The following SRPK1 variants were observed in gnomAD, a reference collection of about 807,000 sequenced individuals.
The protein encoded by SRPK1 is SRSF protein kinase 1.
SRPK1 carries 52 observed loss-of-function variants against 89.5 expected under a neutral mutation model. The ratio of observed to expected loss-of-function variants is 0.58; its 90% CI spans 0.46 to 0.73. SRPK1 has a LOEUF of 0.73. SRPK1 is among the 30% of genes least tolerant of loss of function. The pLI is 0.00. For synonymous variants in SRPK1, 255 were observed against 270.2 expected, an observed-to-expected ratio of 0.94 and a Z score of 0.55; for missense variants, 603 against 780.6, an observed-to-expected ratio of 0.77 and a Z score of 2.71.
In SRPK1 at chr6:35,904,518, G is replaced by A. The variant is rs369706920; in HGVS notation, c.75-13505C>T. Among the ~76,000 whole-genome samples the A allele has an allele frequency of 1.2e-4, 18 of 152,260 alleles. No homozygotes were observed. The East Asian group carries it at 2.9e-3, about 25-fold the overall frequency. On this transcript the variant is annotated intron_variant, in intron 2 of 15. Transcript: ENST00000373825. ...TACAATGGTTTTTAAATAAAGTCGTGGGCTGGGTGCAGTGGCTCACGCCTG... is the reference window on the plus strand; with the variant it reads ...TACAATGGTTTTTAAATAAAGTCGTAGGCTGGGTGCAGTGGCTCACGCCTG...
rs558238653 is a variant in SRPK1 at position 35,867,296 on chromosome 6, G to A, written c.1512+1714C>T. ...AGGGTGACCTGGACCAGATGATAGC[G>A]TAGTGGAGTAATTCTAATTACTTGG... On this transcript the variant is annotated intron_variant, in intron 12 of 15. Coordinates refer to ENST00000373825, the MANE Select transcript of SRPK1 (RefSeq NM_003137.5). Among the ~76,000 whole-genome samples the A allele has an allele frequency of 6.6e-4, 101 of 152,296 alleles. 2 individuals carry two copies. Among genetic ancestry groups the A allele is most frequent in the Middle Eastern group, 6.8e-3 (2 of 294 alleles).
chr6:35,869,809 CTTCA>C lies in SRPK1; in HGVS notation c.1080_1083del (p.Ile360MetfsTer14), dbSNP rs1769991290. ...TTACTGTTCTGAGTATAATTAATGACTTCAATCACTCCATTGCAATTAATTTCTG... is the reference window on the plus strand; with the variant it reads ...TTACTGTTCTGAGTATAATTAATGACATCACTCCATTGCAATTAATTTCTG... On this transcript the variant is annotated frameshift_variant, in exon 11 of 16. Coordinates refer to ENST00000373825, the MANE Select transcript of SRPK1 (RefSeq NM_003137.5). LOFTEE classifies it high-confidence loss of function. 6.2e-7 allele frequency: 1 copy of C among 1,613,462 alleles called. No homozygotes were observed. Among genetic ancestry groups the C allele is most frequent in the African/African-American group, 1.3e-5 (1 of 74,914 alleles).
At position 35,869,394 on chromosome 6, in the gene SRPK1, T is replaced by A; in HGVS notation, c.1411+88A>T. ...AGACACACCTGTTGTAAAGCTATAGTTACAAAAACAATCATACTTTTAGTC... is the reference window on the plus strand; with the variant it reads ...AGACACACCTGTTGTAAAGCTATAGATACAAAAACAATCATACTTTTAGTC... On this transcript the variant is annotated intron_variant, in intron 11 of 15. Coordinates refer to ENST00000373825, the MANE Select transcript of SRPK1 (RefSeq NM_003137.5). 5 of 1,469,524 alleles carry A rather than the reference T, an allele frequency of 3.4e-6. No homozygotes were observed. In the South Asian group the frequency reaches 6.4e-5, roughly 19 times the overall value. The allele number at this position is 1,469,524 out of a possible 1,614,324, so 91.0% of individuals were successfully genotyped here.
At chr6:35,869,402 A>G in intron 11 of SRPK1, 80 bp downstream of exon 11, 1 of 1,495,578 alleles carries the variant, frequency 6.7e-7, no homozygotes, top group South Asian at 1.3e-5. Flanking sequence ...AGTTACAAAA[A>G]CAATCATACT....
At chr6:35,860,529 T>G (rs1184543886) in intron 12 of SRPK1, among the ~76,000 whole-genome samples, 1 of 152,226 alleles carries the variant, frequency 6.6e-6, no homozygotes, top group Non-Finnish European at 1.5e-5. Context: ...AAGCATTTGA[T>G]GTTTGTACGG....
At chr6:35,868,274 G>A (rs149097263) in intron 12 of SRPK1, among the ~76,000 whole-genome samples, 155 of 152,234 alleles carry the variant, frequency 1.0e-3, no homozygotes, top group African/African-American at 3.6e-3. Flanking sequence ...ATGAGCCACC[G>A]TGCCTGGCTA....
intron 2 of SRPK1, among the ~76,000 whole-genome samples, chr6:35,903,169 T>C (rs551418241): frequency 1.2e-4 from 18 of 150,296 alleles, no homozygotes; most frequent in African/African-American, 3.9e-4. Flanking sequence ...GCCTACAAGG[T>C]ACATTGATAA....
intron 13 of SRPK1, among the ~76,000 whole-genome samples, chr6:35,846,013 T>G (rs1376798953): frequency 1.3e-5 from 2 of 152,198 alleles, no homozygotes; most frequent in Non-Finnish European, 2.9e-5. Context: ...AGAGCAGGGC[T>G]GGAGGCTGGA....
At chr6:35,850,380 G>A (rs1409948261) in intron 13 of SRPK1, among the ~76,000 whole-genome samples, 2 of 152,046 alleles carry the variant, frequency 1.3e-5, no homozygotes, top group Non-Finnish European at 2.9e-5. Flanking sequence ...CAACAGCAGG[G>A]GAATGAAGCA....
chr6:35,861,832 G>A (rs2127238637), intron 12 of SRPK1, among the ~76,000 whole-genome samples: 1 of 152,204 alleles, frequency 6.6e-6, no homozygotes, highest in South Asian at 2.1e-4. Context: ...ACAGTTTCTT[G>A]CCCATGCTGT....
chr6:35,851,179 ATT>A (rs11368828), intron 13 of SRPK1, among the ~76,000 whole-genome samples: 3 of 148,644 alleles, frequency 2.0e-5, no homozygotes, highest in Admixed American at 6.7e-5. Flanking sequence ...TTGGTATTGG[ATT>A]TTTTTTTTCT....
At chr6:35,886,977 T>C (rs1327532038) in intron 5 of SRPK1, among the ~76,000 whole-genome samples, 166 bp from the exon 6 acceptor site, 1 of 152,204 alleles carries the variant, frequency 6.6e-6, no homozygotes, top group Admixed American at 6.5e-5. Flanking sequence ...AAATCTTAAA[T>C]AGTCAATTCA....
At chr6:35,845,014 C>A (rs959095233) in intron 13 of SRPK1, among the ~76,000 whole-genome samples, 2 of 152,068 alleles carry the variant, frequency 1.3e-5, no homozygotes, top group African/African-American at 4.8e-5. Context: ...ATGGAGGAAC[C>A]TTAAATGCAT....
chr6:35,887,847 C>T (rs1770442186), intron 5 of SRPK1, 177 bp downstream of exon 5: 1 of 412,986 alleles, frequency 2.4e-6, no homozygotes, highest in Non-Finnish European at 4.2e-6. Context: ...GCCACCAGTT[C>T]CCTACTACAT....
In SRPK1 at chr6:35,880,742, A is replaced by G. The variant is rs9348983; in HGVS notation, c.478+5982T>C. Among the ~76,000 whole-genome samples, 177 of 28,178 alleles carry G rather than the reference A, an allele frequency of 6.3e-3. 29 individuals carry two copies. The highest frequency in any genetic ancestry group is 6.9e-3 in the African/African-American group (22 of 3,182). The allele number at this position is 28,178 out of a possible 152,430, so 18.5% of individuals were successfully genotyped here. ...CTCAAAAAAAAAAAAAAAGAAAAAA[A>G]AAAAAAAAGAAAAGAAAAGAAGAAG... is the stretch of plus-strand genomic sequence containing the variant. On this transcript the variant is annotated intron_variant, in intron 6 of 15. Transcript: ENST00000373825.
intron 12 of SRPK1, among the ~76,000 whole-genome samples, chr6:35,868,753 T>A (rs1255095768): frequency 1.3e-5 from 2 of 152,106 alleles, no homozygotes; most frequent in East Asian, 3.8e-4. Flanking sequence ...GGAGTTGACA[T>A]TACTGAATCT....
chr6:35,877,274 A>G (rs185610268), intron 6 of SRPK1, among the ~76,000 whole-genome samples: 12 of 152,300 alleles, frequency 7.9e-5, no homozygotes, highest in African/African-American at 2.9e-4. Context: ...AGTAAAATCT[A>G]AAAGGATAAA....
At chr6:35,910,864 T>A (rs997613763) in intron 2 of SRPK1, among the ~76,000 whole-genome samples, 8 of 152,218 alleles carry the variant, frequency 5.3e-5, no homozygotes, top group African/African-American at 1.9e-4. Flanking sequence ...TACTGCATAG[T>A]TTACTGAATA....
At chr6:35,850,950 T>C (rs886203739) in intron 13 of SRPK1, among the ~76,000 whole-genome samples, 9 of 151,854 alleles carry the variant, frequency 5.9e-5, no homozygotes, top group African/African-American at 2.2e-4. Flanking sequence ...GGAAAGAAAA[T>C]AGGATTTTGA....
Sources: allele counts gnomAD v4.1 joint callset (sites outside exome capture counted in the v4.1 genomes callset), GRCh38; gene constraint gnomAD v4.1.1; transcripts MANE v1.5; gene names NCBI Gene and HGNC (gene_info 2026-07-23, HGNC 2026-07-21).